The following TTC9B variants were observed in gnomAD, a reference collection of about 807,000 sequenced individuals.
The protein encoded by TTC9B is tetratricopeptide repeat domain 9B.
Under a neutral mutation model 19.4 loss-of-function variants are expected in TTC9B, and 12 were observed. The ratio of observed to expected loss-of-function variants is 0.62; its 90% CI spans 0.40 to 1.00. TTC9B has a LOEUF of 1.00. Ranked by LOEUF, TTC9B falls within the 50% of genes least tolerant of loss-of-function variation. The probability of loss-of-function intolerance (pLI) is 0.00; values close to 1 mark genes in which losing one functional copy is unlikely to be tolerated. For synonymous variants in TTC9B, 156 were observed against 158.6 expected (o/e 0.98, Z 0.12); for missense variants, 316 against 345.2 (o/e 0.92, Z 0.67).
Position 40,218,190 on chromosome 19 carries a change from G to T in TTC9B, c.192C>A (p.Ala64=), listed in dbSNP as rs758955860. ...GGCCCTCTGCCTTGAACGCCACGGC[G>T]GCACGCAGGCTGCTGTCGAGCGCCG... The part of the protein sequence containing the change: ...LGAALDSSLR[A]AVAFKAEGQR... The change falls in exon 1 of 3, where the codon GCC becomes GCA. Residue 64 remains alanine, a synonymous_variant. Transcript: ENST00000311308. The surrounding 1 kb of genome is among the most constrained non-coding windows in gnomAD (Gnocchi z 4.2). The T allele has an allele frequency of 3.2e-6, 5 of 1,575,082 alleles. No homozygotes were observed. The Admixed American group carries it at 9.1e-5, about 29-fold the overall frequency.
At position 40,218,148 on chromosome 19, in the gene TTC9B, C is replaced by T; in HGVS notation, c.234G>A (p.Glu78=). The change falls in exon 1 of 3, where the codon GAG becomes GAA. Residue 78 remains glutamate, a synonymous_variant. Coordinates refer to ENST00000311308, the MANE Select transcript of TTC9B (RefSeq NM_152479.6). This position sits in a 1 kb window ranked among gnomAD's most constrained non-coding sequence, Gnocchi z 4.2. ...TGCCGATGGCCTCCCGGAACTTCTTCTCTCGATAGCAGCGCTGGCCCTCTG... is the reference window on the plus strand; with the variant it reads ...TGCCGATGGCCTCCCGGAACTTCTTTTCTCGATAGCAGCGCTGGCCCTCTG... ...FKAEGQRCYR[E]KKFREAIGKY... 1 of 1,574,106 alleles carries T rather than the reference C, an allele frequency of 6.4e-7. No homozygotes were observed. Among genetic ancestry groups the T allele is most frequent in the Non-Finnish European group, 8.6e-7 (1 of 1,164,660 alleles).
intron 2 of TTC9B, 38 bp from the exon 3 acceptor site, chr19:40,216,310 C>A: frequency 6.4e-7 from 1 of 1,563,120 alleles, no homozygotes; most frequent in Non-Finnish European, 8.8e-7. Flanking sequence ...CTGGGTGTCC[C>A]GGGGCAGCAG....
Position 40,217,945 on chromosome 19 carries a change from G to A in TTC9B, c.427+10C>T, listed in dbSNP as rs776196799. On this transcript the variant is annotated intron_variant, in intron 1 of 2. Transcript: ENST00000311308. ...CTCGTGCCCCATCCCCCCACCCCCCGACGGCGTACCCGTGAGGGAGTCGTA... is the reference window on the plus strand; with the variant it reads ...CTCGTGCCCCATCCCCCCACCCCCCAACGGCGTACCCGTGAGGGAGTCGTA... 3 of 375,872 alleles carry A rather than the reference G, an allele frequency of 8.0e-6. No individual in the cohort carries two copies. The highest frequency in any genetic ancestry group is 8.2e-5 in the East Asian group (1 of 12,248). 23.3% of individuals were successfully genotyped at this position (375,872 alleles called of 1,614,324 possible).
rs750319254 is a variant in TTC9B, at chr19:40,217,384, C to T, written c.428-15G>A. ...CAGCAGGCAAGCTGCGAGGGCCCCGCGGCCGGCACTCTCAGAGCCTGCTGG... is the reference window on the plus strand; with the variant it reads ...CAGCAGGCAAGCTGCGAGGGCCCCGTGGCCGGCACTCTCAGAGCCTGCTGG... On this transcript the variant is annotated splice_polypyrimidine_tract_variant and intron_variant, in intron 1 of 2. Transcript: ENST00000311308. The T allele has an allele frequency of 1.1e-5, 17 of 1,606,966 alleles. No homozygotes were observed. Among genetic ancestry groups the T allele is most frequent in the Non-Finnish European group, 1.4e-5 (16 of 1,175,356 alleles).
intron 1 of TTC9B, chr19:40,217,753 T>G (rs558963875): frequency 2.8e-5 from 15 of 543,986 alleles, no homozygotes; most frequent in Middle Eastern, 5.0e-4. Context: ...CAAAGACCAT[T>G]TCCTGCATCC....
At position 40,217,186 on chromosome 19, in the gene TTC9B, C is replaced by A. The variant is rs765718139; in HGVS notation, c.610+1G>T. 6.2e-7 allele frequency: 1 copy of A among 1,611,082 alleles called. No homozygotes were observed. Among genetic ancestry groups the A allele is most frequent in the Non-Finnish European group, 8.5e-7 (1 of 1,179,242 alleles). The stretch of plus-strand genomic sequence containing the variant: ...CACCTCTGCCCCGCCCCGCCACTCA[C>A]CTGTGGGTTCCCGGCTGCGGGCCTC... On this transcript the variant is annotated splice_donor_variant, in intron 2 of 2. Coordinates refer to ENST00000311308, the MANE Select transcript of TTC9B (RefSeq NM_152479.6). LOFTEE classifies it high-confidence loss of function.
At position 40,216,128 on chromosome 19, in the gene TTC9B, A is replaced by G; in HGVS notation, c.*35T>C. 3 of 1,538,742 alleles carry G rather than the reference A, an allele frequency of 1.9e-6. No individual in the cohort carries two copies. Among genetic ancestry groups the G allele is most frequent in the Non-Finnish European group, 2.7e-6 (3 of 1,111,472 alleles). On this transcript the variant is annotated 3_prime_UTR_variant, in exon 3 of 3. Coordinates refer to ENST00000311308, the MANE Select transcript of TTC9B (RefSeq NM_152479.6). ...GGGGGAAGTTACATGGTGAGGTGGG[A>G]GGGCGAGGGATAGAGAGGTCCCCCT...
At chr19:40,217,922 CGT>C in intron 1 of TTC9B, 31 bp downstream of exon 1, 1 of 1,304,560 alleles carries the variant, frequency 7.7e-7, no homozygotes. Context: ...CCCCTCCCCT[CGT>C]GCCCCATCCC....
rs1473479492 is a variant in TTC9B, at chr19:40,218,082, C to T, written c.300G>A (p.Gly100=). 1 of 1,550,198 alleles carries T rather than the reference C, an allele frequency of 6.5e-7. No individual in the cohort carries two copies. The highest frequency in any genetic ancestry group is 8.7e-7 in the Non-Finnish European group (1 of 1,154,066). Residue 100 remains glycine (G), a synonymous_variant, in exon 1 of 3, where the codon GGG becomes GGA. Coordinates refer to ENST00000311308, the MANE Select transcript of TTC9B (RefSeq NM_152479.6). This position sits in a 1 kb window ranked among gnomAD's most constrained non-coding sequence, Gnocchi z 4.2. ...GGGCGGGCAGGCCGCTAGGGCGGGCCCCCTGCGCCGCCTTCAGCTGCAGCA... is the reference window on the plus strand; with the variant it reads ...GGGCGGGCAGGCCGCTAGGGCGGGCTCCCTGCGCCGCCTTCAGCTGCAGCA... ...RALLQLKAAQ[G]ARPSGLPAPA... is the part of the protein sequence containing the mutation.
chr19:40,217,083 A>C (rs1973377718), intron 2 of TTC9B, 104 bp downstream of exon 2: 1 of 1,292,228 alleles, frequency 7.7e-7, no homozygotes, highest in African/African-American at 1.5e-5. Flanking sequence ...CCGCGGGAGG[A>C]GGGCTCTGCT....
At chr19:40,217,573 G>A (rs1973387242) in intron 1 of TTC9B, 1 of 664,754 alleles carries the variant, frequency 1.5e-6, no homozygotes, top group Non-Finnish European at 2.5e-6. Flanking sequence ...AGGCGCCACT[G>A]GGCGATCCAC....
At chr19:40,217,906 G>T (rs1170443382) in intron 1 of TTC9B, 49 bp downstream of exon 1, 3 of 1,336,742 alleles carry the variant, frequency 2.2e-6, no homozygotes, top group Non-Finnish European at 2.9e-6. Flanking sequence ...AAGCTCTCCC[G>T]ATTGCCCCCT....
chr19:40,216,205 T>G lies in TTC9B; in HGVS notation c.678A>C (p.Glu226Asp). 6.2e-7 allele frequency: 1 copy of G among 1,614,190 alleles called. No individual in the cohort carries two copies. The highest frequency in any genetic ancestry group is 8.5e-7 in the Non-Finnish European group (1 of 1,180,010). The change falls in exon 3 of 3, where the codon GAA becomes GAC. Residue 226 changes from glutamate (E) to aspartate (D), a missense_variant. By Grantham distance (45) the Glu-to-Asp change is conservative. Coordinates refer to ENST00000311308, the MANE Select transcript of TTC9B (RefSeq NM_152479.6). Reference protein sequence around the residue: ...LKMNRCSLQREDSGAGSQTRD... With the variant: ...LKMNRCSLQRDDSGAGSQTRD... ...GAGTCTGGGACCCAGCCCCACTGTC[T>G]TCCCGCTGGAGGCTGCAACGATTCA...
In TTC9B at chr19:40,217,330, A is replaced by C. The variant is rs770391581; in HGVS notation, c.467T>G (p.Val156Gly). Reference sequence around the variant, plus strand: ...CAGTACCTTGAGACAGTACTCGCGCACGCGCTCGTAGTTTACCAGCTCCGA... The same window carrying C: ...CAGTACCTTGAGACAGTACTCGCGCCCGCGCTCGTAGTTTACCAGCTCCGA... ...LQSELVNYER[V>G]REYCLKVLEK... Residue 156 changes from valine (V) to glycine (G), a missense_variant, in exon 2 of 3, where the codon GTG becomes GGG. Coordinates refer to ENST00000311308, the MANE Select transcript of TTC9B (RefSeq NM_152479.6). The C allele has an allele frequency of 1.2e-6, 2 of 1,613,826 alleles. No individual in the cohort carries two copies. Among genetic ancestry groups the C allele is most frequent in the Non-Finnish European group, 1.7e-6 (2 of 1,179,900 alleles).
At position 40,216,072 on chromosome 19, in the gene TTC9B, G is replaced by T; in HGVS notation, c.*91C>A. 9.5e-7 allele frequency: 1 copy of T among 1,050,894 alleles called. No homozygotes were observed. The highest frequency in any genetic ancestry group is 1.5e-6 in the Non-Finnish European group (1 of 676,784). 65.1% of individuals were successfully genotyped at this position (1,050,894 alleles called of 1,614,324 possible). A position where few individuals can be genotyped will look rare whatever the true frequency, so the allele number is the denominator to read the frequency against. On this transcript the variant is annotated 3_prime_UTR_variant, in exon 3 of 3. Transcript: ENST00000311308. ...CACCACACAAGTTATGATCACCAGT[G>T]ACAAGTGTTTTACCAACAAACACAT... is the stretch of plus-strand genomic sequence containing the variant.
chr19:40,217,695 G>C, intron 1 of TTC9B: 1 of 514,724 alleles, frequency 1.9e-6, no homozygotes, highest in Non-Finnish European at 3.4e-6. Context: ...GTGCGGCCAG[G>C]GGGTGGAAAG....
chr19:40,216,910 A>C, intron 2 of TTC9B: 1 of 568,178 alleles, frequency 1.8e-6, no homozygotes, highest in South Asian at 2.1e-5. Context: ...TGAATAGGAG[A>C]TATCAGATGT....
At position 40,216,191 on chromosome 19, in the gene TTC9B, C is replaced by T. The variant is rs916048621; in HGVS notation, c.692G>A (p.Gly231Glu). 1.5e-5 allele frequency: 25 copies of T among 1,614,068 alleles called. No individual in the cohort carries two copies. The highest frequency in any genetic ancestry group is 2.2e-5 in the East Asian group (1 of 44,900). The change falls in exon 3 of 3, where the codon GGG becomes GAG. Residue 231 changes from glycine to glutamate, a missense_variant. Coordinates refer to ENST00000311308, the MANE Select transcript of TTC9B (RefSeq NM_152479.6). ...GCCAATTACATCCCGAGTCTGGGAC[C>T]CAGCCCCACTGTCTTCCCGCTGGAG... ...CSLQREDSGA[G>E]SQTRDVIG
Position 40,216,232 on chromosome 19 carries a change from C to T in TTC9B, c.651G>A (p.Lys217=), listed in dbSNP as rs777810353. ...VLRYIQLTQL[K]MNRCSLQRED... ...CCCGCTGGAGGCTGCAACGATTCAT[C>T]TTCAGCTGAGTCAGCTGGATGTAGC... The change falls in exon 3 of 3, where the codon AAG becomes AAA. Residue 217 remains lysine, a synonymous_variant. Coordinates refer to ENST00000311308, the MANE Select transcript of TTC9B (RefSeq NM_152479.6). The T allele has an allele frequency of 6.2e-7, 1 of 1,614,086 alleles. No individual in the cohort carries two copies. Among genetic ancestry groups the T allele is most frequent in the African/African-American group, 1.3e-5 (1 of 74,940 alleles).
Sources: gnomAD v4.1 joint callset for allele counts on GRCh38, gnomAD v4.1.1 for gene constraint, Gnocchi (gnomAD v3.1) non-coding constraint, MANE v1.5 for transcripts, NCBI Gene and HGNC (gene_info 2026-07-23, HGNC 2026-07-21) for gene names.